The following WDR70 variants were observed in gnomAD, a reference collection of about 807,000 sequenced individuals.
The protein encoded by WDR70 is WD repeat domain 70.
In WDR70, 53 loss-of-function variants were observed where a neutral mutation model predicts 88.6. The ratio of observed to expected loss-of-function variants is 0.60; its 90% confidence interval spans 0.48 to 0.75. The LOEUF (loss-of-function observed/expected upper bound fraction) is 0.75. Among genes scored for constraint, WDR70 ranks in the 30% least tolerant of loss-of-function variants. The probability of loss-of-function intolerance (pLI) is 0.00; values close to 1 mark genes in which losing one functional copy is unlikely to be tolerated. For synonymous variants in WDR70, 280 were observed against 270.0 expected, an observed-to-expected ratio of 1.04 and a Z score of -0.36; for missense variants, 610 against 823.2, an observed-to-expected ratio of 0.74 and a Z score of 3.17.
chr5:37,579,702 T>C (rs1170939849), intron 9 of WDR70, among the ~76,000 whole-genome samples: 1 of 152,172 alleles, frequency 6.6e-6, no homozygotes, highest in African/African-American at 2.4e-5. Flanking sequence ...AAAAATCTGT[T>C]CTGTTATTGT....
At chr5:37,558,604 G>T (rs1277218025) in intron 9 of WDR70, among the ~76,000 whole-genome samples, 1 of 151,990 alleles carries the variant, frequency 6.6e-6, no homozygotes, top group Non-Finnish European at 1.5e-5. Context: ...GAGATTAGAG[G>T]CATGAGCCAC....
chr5:37,747,176 C>T (rs965050716), intron 17 of WDR70, among the ~76,000 whole-genome samples: 3 of 151,644 alleles, frequency 2.0e-5, no homozygotes, highest in Non-Finnish European at 3.0e-5. Flanking sequence ...AAACCAAAAA[C>T]ATATTTACAA....
intron 9 of WDR70, among the ~76,000 whole-genome samples, chr5:37,534,835 T>C (rs1459761615): frequency 1.3e-5 from 2 of 152,184 alleles, no homozygotes; most frequent in Non-Finnish European, 2.9e-5. Flanking sequence ...TCTTTAATTG[T>C]AGACTCCCAT....
chr5:37,693,923 C>T (rs1746897532), intron 10 of WDR70, among the ~76,000 whole-genome samples: 1 of 152,290 alleles, frequency 6.6e-6, no homozygotes, highest in Middle Eastern at 3.4e-3. Context: ...AGGCAACCTA[C>T]AAAATGGGAG....
At chr5:37,421,824 T>C (rs1749955078) in intron 5 of WDR70, among the ~76,000 whole-genome samples, 1 of 151,690 alleles carries the variant, frequency 6.6e-6, no homozygotes, top group African/African-American at 2.4e-5. Context: ...ACTGACATCC[T>C]AGATGAGGGA....
intron 17 of WDR70, among the ~76,000 whole-genome samples, chr5:37,747,749 A>T (rs1296505731): frequency 1.3e-5 from 2 of 152,226 alleles, no homozygotes; most frequent in African/African-American, 4.8e-5. Context: ...TCATCATCTG[A>T]ACCTAAAAAC....
intron 5 of WDR70, among the ~76,000 whole-genome samples, chr5:37,409,061 C>T (rs926813945): frequency 3.3e-4 from 50 of 152,038 alleles, no homozygotes; most frequent in African/African-American, 1.2e-3. Flanking sequence ...GCCTGAGCCT[C>T]CCGAGTAGCT....
chr5:37,390,865 C>T (rs192569142), intron 3 of WDR70, among the ~76,000 whole-genome samples: 3 of 151,970 alleles, frequency 2.0e-5, no homozygotes, highest in African/African-American at 4.8e-5. Flanking sequence ...TAAAGGCATG[C>T]GCTACCACGC....
intron 8 of WDR70, among the ~76,000 whole-genome samples, chr5:37,516,254 C>T (rs1026362912): frequency 2.6e-5 from 4 of 152,124 alleles, no homozygotes; most frequent in African/African-American, 9.7e-5. Flanking sequence ...CATTTCCCAC[C>T]TTACTAAGCA....
At chr5:37,674,694 C>T (rs1267554119) in intron 10 of WDR70, among the ~76,000 whole-genome samples, 7 of 152,128 alleles carry the variant, frequency 4.6e-5, no homozygotes, top group East Asian at 3.9e-4. Context: ...AATAAACATA[C>T]GTGTGCATGT....
intron 3 of WDR70, among the ~76,000 whole-genome samples, chr5:37,388,775 G>A (rs1581242274): frequency 6.6e-6 from 1 of 150,852 alleles, no homozygotes; most frequent in East Asian, 2.0e-4. Context: ...AAGGGAAAAA[G>A]AGGGAGGACT....
At chr5:37,534,105 T>C (rs1256826593) in intron 9 of WDR70, among the ~76,000 whole-genome samples, 8 of 152,176 alleles carry the variant, frequency 5.3e-5, no homozygotes, top group Admixed American at 1.3e-4. Flanking sequence ...AGATGAATCA[T>C]ATCACAGGAC....
chr5:37,483,658 C>T (rs1240879463), intron 8 of WDR70, among the ~76,000 whole-genome samples: 2 of 151,816 alleles, frequency 1.3e-5, no homozygotes, highest in African/African-American at 4.8e-5. Flanking sequence ...AGGGGCTCCT[C>T]ACTTCCCAGA....
chr5:37,585,502 G>A (rs1327638959), intron 9 of WDR70, among the ~76,000 whole-genome samples: 3 of 152,154 alleles, frequency 2.0e-5, no homozygotes, highest in Non-Finnish European at 4.4e-5. Flanking sequence ...CTTGAGAAGA[G>A]TAGGGTTCTA....
At chr5:37,393,482 T>C (rs1004228266) in intron 4 of WDR70, among the ~76,000 whole-genome samples, 4 of 152,234 alleles carry the variant, frequency 2.6e-5, no homozygotes, top group African/African-American at 7.2e-5. Context: ...TTCTACTTTT[T>C]ATGTAGGTGT....
chr5:37,513,524 G>T (rs1046620411), intron 8 of WDR70, among the ~76,000 whole-genome samples: 5 of 152,196 alleles, frequency 3.3e-5, no homozygotes, highest in African/African-American at 1.2e-4. Context: ...TGTGGACTGT[G>T]TATATTAGGG....
In WDR70 at chr5:37,629,733, T is replaced by A. The variant is rs1744761010; in HGVS notation, c.1092+24495T>A. On this transcript the variant is annotated intron_variant, in intron 10 of 17. Transcript: ENST00000265107. Reference sequence around the variant, plus strand: ...TGTATTCTCTTGTATCTCACTCAGTTTCCTTAAGATTATTATTTTGAATTC... The same window carrying A: ...TGTATTCTCTTGTATCTCACTCAGTATCCTTAAGATTATTATTTTGAATTC... Among the ~76,000 whole-genome samples, 3 of 152,216 alleles carry A rather than the reference T, an allele frequency of 2.0e-5. No individual in the cohort carries two copies. In the South Asian group the frequency reaches 6.2e-4, roughly 32 times the overall value.
intron 9 of WDR70, among the ~76,000 whole-genome samples, chr5:37,534,990 T>C (rs1463042976): frequency 6.6e-6 from 1 of 152,220 alleles, no homozygotes; most frequent in Non-Finnish European, 1.5e-5. Context: ...CAGTTGCCTG[T>C]TTCACTCAGC....
intron 5 of WDR70, among the ~76,000 whole-genome samples, chr5:37,415,249 C>T (rs1448340239): frequency 2.0e-5 from 3 of 152,064 alleles, no homozygotes; most frequent in African/African-American, 7.2e-5. Flanking sequence ...TTTTCTATTC[C>T]ACAAAACCGC....
Sources: allele counts gnomAD v4.1 joint callset (sites outside exome capture counted in the v4.1 genomes callset), GRCh38; gene constraint gnomAD v4.1.1; transcripts MANE v1.5; gene names NCBI Gene and HGNC (gene_info 2026-07-23, HGNC 2026-07-21).